TMEM67: variants seen among roughly 807,000 people sequenced by gnomAD.
TMEM67 encodes the protein meckelin.
In TMEM67, 124 loss-of-function variants were observed where a neutral mutation model predicts 136.6. That is an observed-to-expected ratio of 0.91 (90% CI 0.78 to 1.05). The LOEUF is 1.05. Among genes scored for constraint, TMEM67 ranks in the 50% least tolerant of loss-of-function variants. The pLI, the probability that TMEM67 is intolerant of heterozygous loss-of-function variation, is 0.00. For synonymous variants in TMEM67, 364 were observed against 390.5 expected, an observed-to-expected ratio of 0.93 and a Z score of 0.80; for missense variants, 1,107 against 1,178.4, an observed-to-expected ratio of 0.94 and a Z score of 0.89.
At position 93,802,794 on chromosome 8, in the gene TMEM67, G is replaced by A. The variant is rs577898866; in HGVS notation, c.2242-810G>A. On this transcript the variant is annotated intron_variant, in intron 21 of 27. Coordinates refer to ENST00000453321, the MANE Select transcript of TMEM67 (RefSeq NM_153704.6). ...TAGAGTATGTAGGAAAACATTTTCA[G>A]CAGTCGGCTGGTGTAGATTCATTTA... 4.6e-5 allele frequency among the ~76,000 whole-genome samples: 7 copies of A among 152,286 alleles called. No individual in the cohort carries two copies. In the South Asian group the frequency reaches 1.5e-3, roughly 32 times the overall value.
chr8:93,779,274 T>C (rs1191774851), intron 7 of TMEM67, among the ~76,000 whole-genome samples: 1 of 152,186 alleles, frequency 6.6e-6, no homozygotes, highest in African/African-American at 2.4e-5. Context: ...TTTCAAGGTT[T>C]TTAGCTTCCT....
intron 2 of TMEM67, chr8:93,756,746 T>C (rs1812589380): frequency 6.6e-6 from 1 of 152,226 alleles, no homozygotes; most frequent in Non-Finnish European, 1.5e-5. Context: ...AGATTTCTTT[T>C]TCAGTGACAT....
intron 25 of TMEM67, 133 bp downstream of exon 25, chr8:93,809,294 T>A: frequency 1.5e-6 from 1 of 683,646 alleles, no homozygotes; most frequent in Non-Finnish European, 2.6e-6. Context: ...CCTTCCCTTT[T>A]TTTGTCTGTC....
intron 4 of TMEM67, among the ~76,000 whole-genome samples, chr8:93,764,251 T>C (rs2130578706): frequency 6.6e-6 from 1 of 152,294 alleles, no homozygotes; most frequent in Middle Eastern, 3.4e-3. Flanking sequence ...AGTAATAAAG[T>C]AAATAGATAC....
intron 13 of TMEM67, 40 bp from the exon 14 acceptor site, chr8:93,787,804 G>A (rs751461538): frequency 1.5e-5 from 21 of 1,444,144 alleles, no homozygotes; most frequent in East Asian, 4.5e-5. Context: ...TTAAAGGCCC[G>A]GATATACTGA....
At chr8:93,772,502 G>C in intron 6 of TMEM67, 87 bp from the exon 7 acceptor site, 1 of 961,670 alleles carries the variant, frequency 1.0e-6, no homozygotes, top group Non-Finnish European at 1.7e-6. Context: ...CTAACATTGT[G>C]AAAGTAATGT....
downstream of TMEM67, chr8:93,818,865 C>T (rs367798167): frequency 2.0e-4 from 63 of 310,140 alleles, no homozygotes; most frequent in African/African-American, 1.3e-3. Context: ...TGCAGTGGCA[C>T]GATTTTGGCC....
rs369412034 is a variant in TMEM67, at chr8:93,797,280, T to C, written c.1960+47T>C. ...TGTACCAAAATTCTTTTGCTACCCT[T>C]GCAGAGCAAAGGAGGTAAAACTCTT... is the stretch of plus-strand genomic sequence containing the variant. On this transcript the variant is annotated intron_variant, in intron 19 of 27. Transcript: ENST00000453321. 1.6e-4 allele frequency: 254 copies of C among 1,613,374 alleles called. 1 individual carries two copies. The highest frequency in any genetic ancestry group is 4.3e-5 in the Non-Finnish European group (51 of 1,179,436).
chr8:93,821,754 G>C (rs551248580), downstream of TMEM67, among the ~76,000 whole-genome samples: 2 of 152,276 alleles, frequency 1.3e-5, no homozygotes, highest in South Asian at 4.1e-4. Flanking sequence ...CAAAAAATTA[G>C]CCAGGTATGG....
chr8:93,789,979 G>A (rs1295682213), intron 14 of TMEM67, among the ~76,000 whole-genome samples: 1 of 152,054 alleles, frequency 6.6e-6, no homozygotes, highest in Admixed American at 6.5e-5. Context: ...TTGGGAGGCT[G>A]AGGCAGGAGA....
chr8:93,758,273 A>G (rs1320666130), intron 2 of TMEM67, among the ~76,000 whole-genome samples: 2 of 152,204 alleles, frequency 1.3e-5, no homozygotes, highest in Non-Finnish European at 1.5e-5. Flanking sequence ...TAATCCTTTA[A>G]TAGTTTTCAG....
intron 10 of TMEM67, 151 bp downstream of exon 10, chr8:93,781,895 TTTTGTTTG>T (rs533830455): frequency 7.1e-5 from 38 of 532,154 alleles, no homozygotes; most frequent in East Asian, 1.9e-4. Context: ...TTCTTAAGTT[TTTTGTTTG>T]TTTGTTTGTT....
At chr8:93,807,826 A>G (rs1311587676) in intron 23 of TMEM67, among the ~76,000 whole-genome samples, 1 of 152,048 alleles carries the variant, frequency 6.6e-6, no homozygotes, top group Non-Finnish European at 1.5e-5. Context: ...GACAGGCTTT[A>G]TGAAGGCCAG....
chr8:93,755,713 C>A, intron 1 of TMEM67, 65 bp from the exon 2 acceptor site: 2 of 1,057,788 alleles, frequency 1.9e-6, no homozygotes, highest in Non-Finnish European at 2.7e-6. Context: ...GTTTCACTAT[C>A]TGGGAACTTT....
intron 3 of TMEM67, chr8:93,758,881 C>T: frequency 3.2e-6 from 1 of 308,066 alleles, no homozygotes; most frequent in South Asian, 5.0e-5. Flanking sequence ...TTATAGGCAT[C>T]AGTCACTGTG....
Position 93,762,851 on chromosome 8 carries a change from C to T in TMEM67, c.407-991C>T, listed in dbSNP as rs185157488. The T allele has an allele frequency of 9.1e-5, 31 of 338,888 alleles. No individual in the cohort carries two copies. In the Middle Eastern group the frequency reaches 1.6e-3, roughly 17 times the overall value. The allele number at this position is 338,888 out of a possible 1,614,324, so 21.0% of individuals were successfully genotyped here. A position where few individuals can be genotyped will look rare whatever the true frequency, so the allele number is the denominator to read the frequency against. On this transcript the variant is annotated intron_variant, in intron 3 of 27. Coordinates refer to ENST00000453321, the MANE Select transcript of TMEM67 (RefSeq NM_153704.6). ...GGTATGTTTGCATAAATGTTTCATA[C>T]ACAAATATTGTTCTAGCATACTTTT...
At chr8:93,759,751 C>T (rs1056892592) in intron 3 of TMEM67, 7 of 280,842 alleles carry the variant, frequency 2.5e-5, no homozygotes, top group Admixed American at 1.0e-4. Flanking sequence ...CAGGTTCAAG[C>T]GATTCTCCTG....
intron 21 of TMEM67, among the ~76,000 whole-genome samples, chr8:93,803,072 A>C (rs1333459526): frequency 2.6e-5 from 4 of 152,164 alleles, no homozygotes; most frequent in Admixed American, 2.0e-4. Context: ...GTACCATGTA[A>C]AATTTTTATT....
intron 18 of TMEM67, among the ~76,000 whole-genome samples, chr8:93,796,339 G>A (rs538059219): frequency 2.1e-3 from 322 of 152,292 alleles, no homozygotes; most frequent in African/African-American, 7.5e-3. Flanking sequence ...TACCACTCTG[G>A]ATAAAGTGTT....
Sources: gnomAD v4.1 joint callset for allele counts (sites outside exome capture counted in the v4.1 genomes callset) on GRCh38, gnomAD v4.1.1 for gene constraint, MANE v1.5 for transcripts, NCBI Gene and HGNC (gene_info 2026-07-23, HGNC 2026-07-21) for gene names.